The following RSF1 variants were observed in gnomAD, a reference collection of about 807,000 sequenced individuals.
RSF1 encodes the protein HBV pX-associated protein 8.
RSF1 carries 13 observed loss-of-function variants against 145.2 expected under a neutral mutation model. The ratio of observed to expected loss-of-function variants is 0.09; its 90% CI spans 0.06 to 0.14. The LOEUF (loss-of-function observed/expected upper bound fraction) is 0.14, where lower values mean the gene tolerates loss of function less well. Ranked by LOEUF, RSF1 falls within the 10% of genes least tolerant of loss-of-function variation. The pLI is 1.00. For missense variants in RSF1, 1,517 were observed against 1,718.2 expected (o/e 0.88, Z 2.07); for synonymous variants, 577 against 592.6 (o/e 0.97, Z 0.38).
At chr11:77,845,391 C>T in the RSF1 span, among the ~76,000 whole-genome samples, 3 of 151,858 alleles carry the variant, frequency 2.0e-5, no homozygotes, top group African/African-American at 7.3e-5. Flanking sequence ...ATTTTTATTT[C>T]CATCATTGTA....
chr11:77,869,792 G>T, the RSF1 span: 2 of 1,613,908 alleles, frequency 1.2e-6, no homozygotes, highest in Admixed American at 1.7e-5. Context: ...CTTGTGATTG[G>T]CCGAGGGATG....
At chr11:77,671,939 A>G (rs1203717454) in intron 15 of RSF1, 103 bp downstream of exon 15, 7 of 1,101,308 alleles carry the variant, frequency 6.4e-6, no homozygotes, top group Non-Finnish European at 8.9e-6. Flanking sequence ...TGGCCTGGTT[A>G]TATGAGTTTC....
In RSF1 at chr11:77,770,225, G is replaced by A. The variant is rs139501965; in HGVS notation, c.188-5536C>T. Among the ~76,000 whole-genome samples the A allele has an allele frequency of 4.2e-3, 637 of 152,332 alleles. 2 individuals carry two copies. The highest frequency in any genetic ancestry group is 0.015 in the African/African-American group (614 of 41,572). On this transcript the variant is annotated intron_variant, in intron 1 of 15. Transcript: ENST00000308488. ...TGCCTGTAATCCCAGCACTTTGGGAGGCCAAGGCGGGTGGATCACGAGGTC... is the reference window on the plus strand; with the variant it reads ...TGCCTGTAATCCCAGCACTTTGGGAAGCCAAGGCGGGTGGATCACGAGGTC...
chr11:77,758,811 A>G (rs1426890622), intron 2 of RSF1, among the ~76,000 whole-genome samples: 1 of 152,156 alleles, frequency 6.6e-6, no homozygotes, highest in African/African-American at 2.4e-5. Flanking sequence ...GGAGCTCCTT[A>G]TATGTATTCC....
rs1229849228 is a variant in RSF1, at chr11:77,663,237, CA to C, written c.*3679del. On this transcript the variant is annotated 3_prime_UTR_variant, in exon 16 of 16. Transcript: ENST00000308488. ...AAAGGGTTAACATCTCTTATGCCCA[CA>C]AACAAGCTAAAAAAGCATTCCTTGT... The C allele has an allele frequency of 1.3e-5, 2 of 152,140 alleles. No homozygotes were observed. Among genetic ancestry groups the C allele is most frequent in the East Asian group, 3.8e-4 (2 of 5,196 alleles). The allele number at this position is 152,140 out of a possible 1,614,324, so 9.4% of individuals were successfully genotyped here. A position where few individuals can be genotyped will look rare whatever the true frequency, so the allele number is the denominator to read the frequency against.
chr11:77,707,749 C>A (rs759957448), intron 5 of RSF1, among the ~76,000 whole-genome samples: 2 of 152,158 alleles, frequency 1.3e-5, no homozygotes, highest in African/African-American at 4.8e-5. Flanking sequence ...AATAACTATT[C>A]AATAAATATT....
the RSF1 span, chr11:77,850,903 C>G: frequency 1.3e-5 from 2 of 151,232 alleles, no homozygotes; most frequent in African/African-American, 2.4e-5. Flanking sequence ...TCCTCTATAA[C>G]TACAATTCTA....
chr11:77,676,767 C>G, intron 13 of RSF1, 25 bp downstream of exon 13: 1 of 1,601,278 alleles, frequency 6.2e-7, no homozygotes, highest in Non-Finnish European at 8.5e-7. Flanking sequence ...ATCTAGGGAT[C>G]GGGGCCTAGT....
intron 15 of RSF1, 79 bp from the exon 16 acceptor site, chr11:77,667,570 A>C (rs1959401817): frequency 7.8e-7 from 1 of 1,275,262 alleles, no homozygotes; most frequent in Admixed American, 2.0e-5. Context: ...CCCGATATTC[A>C]CCCCACGTCC....
intron 1 of RSF1, among the ~76,000 whole-genome samples, chr11:77,787,833 T>TAAAAAAAAAAAAAAAAAAAA (rs57568918): frequency 2.3e-5 from 3 of 129,476 alleles, no homozygotes; most frequent in African/African-American, 5.9e-5. Context: ...TTCAGAACAG[T>TAAAAAAAAAAAAAAAAAAAA]AAAAAAAAAA....
Position 77,700,713 on chromosome 11 carries a change from A to T in RSF1, c.2508+8T>A, listed in dbSNP as rs1960398143. 1 of 1,544,328 alleles carries T rather than the reference A, an allele frequency of 6.5e-7. No individual in the cohort carries two copies. Among genetic ancestry groups the T allele is most frequent in the South Asian group, 1.3e-5 (1 of 79,704 alleles). On this transcript the variant is annotated splice_region_variant and intron_variant, in intron 6 of 15. Transcript: ENST00000308488. ...AATATTTTTAATTAAAGTTAAGACA[A>T]GTTTTACCTTGCTTACTTTAGAATT...
At chr11:77,740,992 G>C in intron 3 of RSF1, 56 bp from the exon 4 acceptor site, 1 of 1,267,162 alleles carries the variant, frequency 7.9e-7, no homozygotes, top group South Asian at 1.2e-5. Context: ...CTCCATCACA[G>C]TAAATATGAT....
intron 1 of RSF1, among the ~76,000 whole-genome samples, chr11:77,809,080 A>C (rs1948707016): frequency 6.6e-6 from 1 of 152,214 alleles, no homozygotes; most frequent in South Asian, 2.1e-4. Context: ...CCAGTTTTAA[A>C]TTCCCACAGC....
Position 77,701,218 on chromosome 11 carries a change from C to T in RSF1, c.2011G>A (p.Glu671Lys). 2.5e-6 allele frequency: 4 copies of T among 1,614,146 alleles called. No homozygotes were observed. Among genetic ancestry groups the T allele is most frequent in the Non-Finnish European group, 3.4e-6 (4 of 1,180,022 alleles). ...VKKVDLETLK[E>K]DSEFTKVEMD... ...TCTACCTTTGTGAACTCAGAATCCT[C>T]TTTTAGGGTTTCTAGGTCTACTTTT... Residue 671 changes from glutamate (E) to lysine (K), a missense_variant, in exon 6 of 16, where the codon GAG becomes AAG. By Grantham distance (56) the Glu-to-Lys change is moderately conservative (BLOSUM62 1). Transcript: ENST00000308488.
At chr11:77,750,392 C>T (rs1358604277) in intron 2 of RSF1, among the ~76,000 whole-genome samples, 1 of 152,178 alleles carries the variant, frequency 6.6e-6, no homozygotes, top group Non-Finnish European at 1.5e-5. Flanking sequence ...ACAGGCATGG[C>T]TGTATTCCCG....
rs780503525 is a variant in RSF1, at chr11:77,740,838, G to A, written c.471C>T (p.Asp157=). The change falls in exon 4 of 16, where the codon GAC becomes GAT. Residue 157 remains aspartate, a synonymous_variant. Transcript: ENST00000308488. The stretch of plus-strand genomic sequence containing the variant: ...GGTACCAGTACATGAGGCCATCTTT[G>A]TCTCGACCAATTGGCTGGAGACGCA... ...DTMRLQPIGR[D]KDGLMYWYQL... is the part of the protein sequence containing the mutation. The A allele has an allele frequency of 2.5e-6, 4 of 1,613,942 alleles. No homozygotes were observed. In the Admixed American group the frequency reaches 6.7e-5, roughly 27 times the overall value.
the RSF1 span, among the ~76,000 whole-genome samples, chr11:77,832,791 G>C: frequency 6.6e-6 from 1 of 151,320 alleles, no homozygotes; most frequent in African/African-American, 2.4e-5. Context: ...TGTTGTCAAA[G>C]AAGAATTCAG....
At chr11:77,694,431 G>A (rs550268712) in intron 7 of RSF1, among the ~76,000 whole-genome samples, 60 of 152,296 alleles carry the variant, frequency 3.9e-4, no homozygotes, top group African/African-American at 1.4e-3. Context: ...TAATACAAAG[G>A]TTCGTAACAT....
At chr11:77,835,632 G>T in the RSF1 span, among the ~76,000 whole-genome samples, 1 of 152,046 alleles carries the variant, frequency 6.6e-6, no homozygotes, top group Non-Finnish European at 1.5e-5. Context: ...TGAGTCTAAA[G>T]TTGGGGCCAG....
Sources: allele counts gnomAD v4.1 joint callset (sites outside exome capture counted in the v4.1 genomes callset), GRCh38; gene constraint gnomAD v4.1.1; transcripts MANE v1.5; gene names NCBI Gene and HGNC (gene_info 2026-07-23, HGNC 2026-07-21).